Variants in OR6A2 observed in about 807,000 individuals in gnomAD.
OR6A2 encodes the protein olfactory receptor 6A2.
In OR6A2, 6 loss-of-function variants were observed where a neutral mutation model predicts 7.1. That is an observed-to-expected ratio of 0.85 (90% CI 0.46 to 1.68). The LOEUF (loss-of-function observed/expected upper bound fraction) is 1.68. OR6A2 is among the 40% of genes most tolerant of loss of function. The probability of loss-of-function intolerance (pLI) is 0.01; values close to 1 mark genes in which losing one functional copy is unlikely to be tolerated. For missense variants in OR6A2, 431 were observed against 398.0 expected (o/e 1.08, Z -0.71); for synonymous variants, 162 against 152.1 (o/e 1.06, Z -0.48).
rs527571856 is a variant in OR6A2 at position 6,793,464 on chromosome 11, C to A, written c.*1261G>T. 4 of 152,082 alleles carry A rather than the reference C, an allele frequency of 2.6e-5. No homozygotes were observed. In the East Asian group the frequency reaches 7.7e-4, roughly 29 times the overall value. The allele number at this position is 152,082 out of a possible 1,614,324, so 9.4% of individuals were successfully genotyped here. The stretch of plus-strand genomic sequence containing the variant: ...ATTTCTGAAAATCATACTGACATAC[C>A]CTGTATCCATCTCCCTGTCCAGATA... On this transcript the variant is annotated 3_prime_UTR_variant, in exon 2 of 2. Transcript: ENST00000641196.
intron 1 of OR6A2, among the ~76,000 whole-genome samples, chr11:6,798,526 C>T (rs948584547): frequency 6.6e-6 from 1 of 152,314 alleles, no homozygotes; most frequent in South Asian, 2.1e-4. Context: ...ATCAATATAA[C>T]TCCCACTTGT....
chr11:6,795,426 GT>G lies in OR6A2; in HGVS notation c.282del (p.Gln95SerfsTer2). ...ATGCATCCCTCAAAGGAGATTAGCTGTCCATGATCCTGTTTGGATCCAACAA... is the reference window on the plus strand; with the variant it reads ...ATGCATCCCTCAAAGGAGATTAGCTGCCATGATCCTGTTTGGATCCAACAA... ...AGFVGSKQDHGQLISFEGCMT... is the reference protein window; with the variant it reads ...AGFVGSKQDHXQLISFEGCMT... On this transcript the variant is annotated frameshift_variant, in exon 2 of 2. Coordinates refer to ENST00000641196, the MANE Select transcript of OR6A2 (RefSeq NM_003696.3). LOFTEE classifies it high-confidence loss of function. 1 of 1,614,160 alleles carries G rather than the reference GT, an allele frequency of 6.2e-7. No homozygotes were observed. Among genetic ancestry groups the G allele is most frequent in the African/African-American group, 1.3e-5 (1 of 75,054 alleles).
chr11:6,797,867 C>T (rs1433558334), intron 1 of OR6A2, among the ~76,000 whole-genome samples: 3 of 152,192 alleles, frequency 2.0e-5, no homozygotes, highest in African/African-American at 7.2e-5. Context: ...TCATAGCTTT[C>T]CTCATGCTGC....
At position 6,794,625 on chromosome 11, in the gene OR6A2, A is replaced by C; in HGVS notation, c.*100T>G. The C allele has an allele frequency of 6.8e-7, 1 of 1,465,762 alleles. No homozygotes were observed. The highest frequency in any genetic ancestry group is 9.2e-7 in the Non-Finnish European group (1 of 1,084,082). The allele number at this position is 1,465,762 out of a possible 1,614,324, so 90.8% of individuals were successfully genotyped here. A position where few individuals can be genotyped will look rare whatever the true frequency, so the allele number is the denominator to read the frequency against. ...CCTAGTTCCATAGTGATGCCTTTGA[A>C]ACTCTGGCCCCCAATTTAGGCCCTA... On this transcript the variant is annotated 3_prime_UTR_variant, in exon 2 of 2. Transcript: ENST00000641196.
rs79506707 is a variant in OR6A2, at chr11:6,794,934, C to T, written c.775G>A (p.Ala259Thr). The part of the protein sequence containing the change: ...HLTVVIIFYA[A>T]SIFIYARPKA... ...GGCCGAGCATAGATGAAGATACTGG[C>T]TGCATAGAAGATTATCACAACAGTG... Residue 259 changes from alanine (A) to threonine (T), a missense_variant, in exon 2 of 2, where the codon GCC (alanine) becomes ACC (threonine). Transcript: ENST00000641196. 1,468 of 1,614,148 alleles carry T rather than the reference C, an allele frequency of 9.1e-4. 6 individuals carry two copies. In the African/African-American group the frequency reaches 0.017, roughly 19 times the overall value.
rs1227549378 is a variant in OR6A2, at chr11:6,794,588, A to C, written c.*137T>G. 1 of 1,166,594 alleles carries C rather than the reference A, an allele frequency of 8.6e-7. No homozygotes were observed. Among genetic ancestry groups the C allele is most frequent in the East Asian group, 2.4e-5 (1 of 42,220 alleles). The allele number at this position is 1,166,594 out of a possible 1,614,324, so 72.3% of individuals were successfully genotyped here. ...TCCTCTCTCTCCTCTTGGACTAGTTAAAGAAAGTATTCCTAGTTCCATAGT... is the reference window on the plus strand; with the variant it reads ...TCCTCTCTCTCCTCTTGGACTAGTTCAAGAAAGTATTCCTAGTTCCATAGT... On this transcript the variant is annotated 3_prime_UTR_variant, in exon 2 of 2. Coordinates refer to ENST00000641196, the MANE Select transcript of OR6A2 (RefSeq NM_003696.3).
At chr11:6,797,563 C>CT (rs1243317951) in intron 1 of OR6A2, among the ~76,000 whole-genome samples, 1 of 152,176 alleles carries the variant, frequency 6.6e-6, no homozygotes, top group Non-Finnish European at 1.5e-5. Context: ...GTCTGATGCT[C>CT]TGCATACTTG....
Position 6,794,558 on chromosome 11 carries a change from C to T in OR6A2, c.*167G>A. ...CAGAAATCCATTTTCTAGCTTGCAA[C>T]CTATTCCTCTCTCTCCTCTTGGACT... On this transcript the variant is annotated 3_prime_UTR_variant, in exon 2 of 2. Coordinates refer to ENST00000641196, the MANE Select transcript of OR6A2 (RefSeq NM_003696.3). 2.3e-6 allele frequency: 2 copies of T among 864,478 alleles called. No homozygotes were observed. Among genetic ancestry groups the T allele is most frequent in the Non-Finnish European group, 3.5e-6 (2 of 574,348 alleles). The allele number at this position is 864,478 out of a possible 1,614,324, so 53.6% of individuals were successfully genotyped here. A position where few individuals can be genotyped will look rare whatever the true frequency, so the allele number is the denominator to read the frequency against.
rs1564904450 is a variant in OR6A2, at chr11:6,794,564, CCTCT to C, written c.*157_*160del. 7 of 902,724 alleles carry C rather than the reference CCTCT, an allele frequency of 7.8e-6. No individual in the cohort carries two copies. The highest frequency in any genetic ancestry group is 1.2e-5 in the Non-Finnish European group (7 of 606,496). 55.9% of individuals were successfully genotyped at this position (902,724 alleles called of 1,614,324 possible). The stretch of plus-strand genomic sequence containing the variant: ...TCCATTTTCTAGCTTGCAACCTATT[CCTCT>C]CTCTCCTCTTGGACTAGTTAAAGAA... On this transcript the variant is annotated 3_prime_UTR_variant, in exon 2 of 2. Transcript: ENST00000641196.
In OR6A2 at chr11:6,795,867, C is replaced by T. The variant is rs950894703; in HGVS notation, c.-159G>A. ...ACTGAGCTGAGGCCACTGCTCTCTT[C>T]TTTAATCTGGAAATGAGCTAAGGCA... is the stretch of plus-strand genomic sequence containing the variant. On this transcript the variant is annotated 5_prime_UTR_variant, in exon 2 of 2. Transcript: ENST00000641196. The T allele has an allele frequency of 2.8e-5, 17 of 608,768 alleles. No individual in the cohort carries two copies. The highest frequency in any genetic ancestry group is 2.8e-4 in the African/African-American group (15 of 53,822). 37.7% of individuals were successfully genotyped at this position (608,768 alleles called of 1,614,324 possible).
intron 1 of OR6A2, among the ~76,000 whole-genome samples, chr11:6,798,613 C>A (rs940056713): frequency 6.6e-6 from 1 of 152,172 alleles, no homozygotes; most frequent in Non-Finnish European, 1.5e-5. Context: ...CAAAATCCTC[C>A]AGTAAAGAAT....
intron 1 of OR6A2, among the ~76,000 whole-genome samples, chr11:6,797,082 T>C (rs1185028249): frequency 6.6e-6 from 1 of 152,230 alleles, no homozygotes; most frequent in Non-Finnish European, 1.5e-5. Context: ...CTGCTATCAT[T>C]ACTTGAGCAT....
In OR6A2 at chr11:6,794,904, C is replaced by G. The variant is rs1431369805; in HGVS notation, c.805G>C (p.Ala269Pro). Residue 269 changes from alanine (A) to proline (P), a missense_variant, in exon 2 of 2, where the codon GCA (alanine) becomes CCA (proline). Transcript: ENST00000641196. ...TTGTTGGTGTCAAAAGCTGAGAGTG[C>G]CTTTGGCCGAGCATAGATGAAGATA... is the stretch of plus-strand genomic sequence containing the variant. ...ASIFIYARPK[A>P]LSAFDTNKLV... 7 of 1,613,890 alleles carry G rather than the reference C, an allele frequency of 4.3e-6. No individual in the cohort carries two copies. The African/African-American group carries it at 8.0e-5, about 18-fold the overall frequency.
rs146813493 is a variant in OR6A2 at position 6,794,805 on chromosome 11, C to T, written c.904G>A (p.Val302Ile). The T allele has an allele frequency of 7.4e-4, 1,193 of 1,614,098 alleles. 1 individual carries two copies. Among genetic ancestry groups the T allele is most frequent in the Non-Finnish European group, 9.4e-4 (1,107 of 1,179,988 alleles). ...PIIYCLRNQE[V>I]KRALCCTLHL... Reference sequence around the variant, plus strand: ...AGAGTACAGCATAGGGCTCTCTTGACCTCTTGATTGCGCAGGCAGTAAATG... The same window carrying T: ...AGAGTACAGCATAGGGCTCTCTTGATCTCTTGATTGCGCAGGCAGTAAATG... Residue 302 changes from valine (V) to isoleucine (I), a missense_variant, in exon 2 of 2, where the codon GTC becomes ATC. Val to Ile is a conservative substitution (Grantham distance 29). Coordinates refer to ENST00000641196, the MANE Select transcript of OR6A2 (RefSeq NM_003696.3).
intron 1 of OR6A2, 82 bp from the exon 2 acceptor site, chr11:6,795,966 C>T: frequency 5.1e-6 from 2 of 389,742 alleles, no homozygotes; most frequent in Non-Finnish European, 4.6e-6. Context: ...TTTGGAGAAG[C>T]ATGCATTGAG....
intron 1 of OR6A2, among the ~76,000 whole-genome samples, chr11:6,798,181 C>T (rs745867464): frequency 7.9e-5 from 12 of 152,136 alleles, no homozygotes. Context: ...AGGAGTTCCA[C>T]AAATCTACTA....
intron 1 of OR6A2, among the ~76,000 whole-genome samples, 161 bp downstream of exon 1, chr11:6,799,383 T>C (rs1435238660): frequency 6.6e-6 from 1 of 152,176 alleles, no homozygotes; most frequent in Non-Finnish European, 1.5e-5. Context: ...GATATTAGTC[T>C]AAGTATCAAC....
chr11:6,798,144 G>C (rs928976228), intron 1 of OR6A2, among the ~76,000 whole-genome samples: 1 of 152,138 alleles, frequency 6.6e-6, no homozygotes, highest in African/African-American at 2.4e-5. Context: ...GTGGAGTATG[G>C]AGTGGATATA....
At chr11:6,799,219 G>A (rs961524185) in intron 1 of OR6A2, among the ~76,000 whole-genome samples, 1 of 152,116 alleles carries the variant, frequency 6.6e-6, no homozygotes, top group African/African-American at 2.4e-5. Context: ...AAATGAACTT[G>A]CTATATAGAC....
Sources: gnomAD v4.1 joint callset for allele counts (sites outside exome capture counted in the v4.1 genomes callset) on GRCh38, gnomAD v4.1.1 for gene constraint, MANE v1.5 for transcripts, NCBI Gene and HGNC (gene_info 2026-07-23, HGNC 2026-07-21) for gene names.